SORL1: variants seen among roughly 807,000 people sequenced by gnomAD.
SORL1 encodes sortilin related receptor 1.
Under a neutral mutation model 273.7 loss-of-function variants are expected in SORL1, and 127 were observed. That is an observed-to-expected ratio of 0.46 (90% CI 0.40 to 0.54). The LOEUF is 0.54. SORL1 is among the 20% of genes least tolerant of loss of function. The probability of loss-of-function intolerance (pLI) is 0.00; values close to 1 mark genes in which losing one functional copy is unlikely to be tolerated. For missense variants in SORL1, 2,494 were observed against 2,846.1 expected, an observed-to-expected ratio of 0.88 and a Z score of 2.81; for synonymous variants, 1,031 against 1,067.4, an observed-to-expected ratio of 0.97 and a Z score of 0.66.
At chr11:121,548,129 C>T (rs889188139) in intron 14 of SORL1, among the ~76,000 whole-genome samples, 1 of 152,142 alleles carries the variant, frequency 6.6e-6, no homozygotes, top group Admixed American at 6.5e-5. Flanking sequence ...TAGATACATA[C>T]ACACATATAA....
intron 45 of SORL1, 121 bp from the exon 46 acceptor site, chr11:121,624,964 C>T (rs1424925286): frequency 1.5e-6 from 1 of 660,264 alleles, no homozygotes; most frequent in Admixed American, 2.8e-5. Flanking sequence ...AGGAGAAACC[C>T]AGGGCGCTTT....
intron 12 of SORL1, among the ~76,000 whole-genome samples, chr11:121,540,124 C>G (rs1256255771): frequency 6.6e-6 from 1 of 152,068 alleles, no homozygotes; most frequent in Non-Finnish European, 1.5e-5. Context: ...TTTTTCCCAT[C>G]TTGAATATGT....
chr11:121,529,699 G>A (rs1565325947), intron 11 of SORL1, among the ~76,000 whole-genome samples: 2 of 152,094 alleles, frequency 1.3e-5, no homozygotes, highest in Admixed American at 6.6e-5. Context: ...ACCATGCCCA[G>A]TTCTTTGAAG....
intron 38 of SORL1, chr11:121,610,532 A>G (rs147112299): frequency 6.5e-6 from 1 of 153,190 alleles, no homozygotes; most frequent in East Asian, 1.9e-4. Context: ...GCTCTGTGAA[A>G]TGCAGATAAC....
At chr11:121,574,878 G>T (rs982602050) in intron 24 of SORL1, among the ~76,000 whole-genome samples, 13 of 152,154 alleles carry the variant, frequency 8.5e-5, no homozygotes, top group African/African-American at 2.9e-4. Context: ...AGCTCTACAG[G>T]CTTGGCCCAC....
intron 40 of SORL1, 179 bp from the exon 41 acceptor site, chr11:121,614,692 C>T (rs1198059253): frequency 1.6e-5 from 9 of 576,758 alleles, no homozygotes; most frequent in African/African-American, 5.7e-5. Flanking sequence ...TGTTACGTAC[C>T]GTCATCATCA....
intron 12 of SORL1, among the ~76,000 whole-genome samples, chr11:121,539,582 TGATAAA>T (rs1159584330): frequency 6.6e-6 from 1 of 152,160 alleles, no homozygotes; most frequent in Non-Finnish European, 1.5e-5. Flanking sequence ...TTATTTTCCT[TGATAAA>T]GATAAAAGCA....
At chr11:121,545,035 T>C (rs1464820880) in intron 13 of SORL1, among the ~76,000 whole-genome samples, 3 of 152,224 alleles carry the variant, frequency 2.0e-5, no homozygotes, top group African/African-American at 7.2e-5. Context: ...TTTCCAACTT[T>C]TCCAGGCAGA....
At chr11:121,611,295 A>G in intron 39 of SORL1, 137 bp downstream of exon 39, 1 of 605,938 alleles carries the variant, frequency 1.7e-6, no homozygotes, top group Non-Finnish European at 2.9e-6. Flanking sequence ...TAGTGAAGCT[A>G]AAATACCAGG....
At chr11:121,609,883 T>C (rs1863535891) in intron 38 of SORL1, 1 of 152,206 alleles carries the variant, frequency 6.6e-6, no homozygotes, top group Non-Finnish European at 1.5e-5. Flanking sequence ...CTTATCCTCA[T>C]TGTGTAGCTG....
At chr11:121,517,340 T>C (rs1206515364) in intron 8 of SORL1, among the ~76,000 whole-genome samples, 1 of 152,232 alleles carries the variant, frequency 6.6e-6, no homozygotes, top group Non-Finnish European at 1.5e-5. Flanking sequence ...TACAATAATA[T>C]GTGACCTTCT....
Position 121,550,208 on chromosome 11 carries a change from T to C in SORL1, c.2180+120T>C. On this transcript the variant is annotated intron_variant, in intron 15 of 47. Transcript: ENST00000260197. The surrounding 1 kb of genome is among the most constrained non-coding windows in gnomAD (Gnocchi z 5.3). The stretch of plus-strand genomic sequence containing the variant: ...ATTCTAGAATTCCAAGTTAACAGCC[T>C]GCAAGTAGTTTGGGCAACATTATAA... The C allele has an allele frequency of 9.6e-7, 1 of 1,043,284 alleles. No homozygotes were observed. The highest frequency in any genetic ancestry group is 1.4e-6 in the Non-Finnish European group (1 of 736,916). 64.6% of individuals were successfully genotyped at this position (1,043,284 alleles called of 1,614,324 possible).
chr11:121,474,701 T>C (rs1392973739), intron 2 of SORL1, among the ~76,000 whole-genome samples: 6 of 152,232 alleles, frequency 3.9e-5, no homozygotes, highest in Non-Finnish European at 1.5e-5. Flanking sequence ...GAGCACAAGA[T>C]GAGTGAGTCC....
At chr11:121,574,158 T>A (rs1862889383) in intron 23 of SORL1, 83 bp from the exon 24 acceptor site, 5 of 1,364,704 alleles carry the variant, frequency 3.7e-6, no homozygotes, top group East Asian at 2.3e-5. Context: ...TTCTATTTTT[T>A]AATTGGTTTT....
At chr11:121,615,320 C>A (rs929267657) in intron 41 of SORL1, among the ~76,000 whole-genome samples, 3 of 152,162 alleles carry the variant, frequency 2.0e-5, no homozygotes, top group African/African-American at 7.2e-5. Context: ...CGTCCCAAGG[C>A]TCTTGGCACA....
At position 121,550,037 on chromosome 11, in the gene SORL1, A is replaced by G. The variant is rs750002244; in HGVS notation, c.2129A>G (p.Tyr710Cys). The G allele has an allele frequency of 6.2e-7, 1 of 1,613,350 alleles. No homozygotes were observed. Among genetic ancestry groups the G allele is most frequent in the Admixed American group, 1.7e-5 (1 of 59,936 alleles). The part of the protein sequence containing the change: ...VPDPEFSGKS[Y>C]SPPVPCPVGS... ...GATCCGGAATTTTCTGGAAAGTCATACTCCCCTCCTGTGCCTTGCCCTGTG... is the reference window on the plus strand; with the variant it reads ...GATCCGGAATTTTCTGGAAAGTCATGCTCCCCTCCTGTGCCTTGCCCTGTG... The change falls in exon 15 of 48, where the codon TAC (tyrosine) becomes TGC (cysteine). Residue 710 changes from tyrosine to cysteine, a missense_variant. Tyr to Cys is a radical substitution (Grantham distance 194). Around this residue, in one of 3 missense-constraint regions of SORL1, gnomAD observed 710 missense variants for 882.5 expected, o/e 0.80. Coordinates refer to ENST00000260197, the MANE Select transcript of SORL1 (RefSeq NM_003105.6). This position sits in a 1 kb window ranked among gnomAD's most constrained non-coding sequence, Gnocchi z 5.3.
At position 121,546,023 on chromosome 11, in the gene SORL1, G is replaced by T. The variant is rs551002898; in HGVS notation, c.2051+594G>T. 2.0e-5 allele frequency among the ~76,000 whole-genome samples: 3 copies of T among 152,364 alleles called. No homozygotes were observed. The South Asian group carries it at 6.2e-4, about 32-fold the overall frequency. On this transcript the variant is annotated intron_variant, in intron 14 of 47. Transcript: ENST00000260197. ...GGGCTGTGGATTGCTGTTGGAGAAT[G>T]AGGAGATTTTTGGAAGAAGTGCTGT...
Position 121,495,165 on chromosome 11 carries a change from C to T in SORL1, c.759-1704C>T, listed in dbSNP as rs185404472. ...GTGGCACAATCATGGCTCACCCAGC[C>T]TCAAACTTCCAGGCTTCAATCCACC... On this transcript the variant is annotated intron_variant, in intron 5 of 47. Coordinates refer to ENST00000260197, the MANE Select transcript of SORL1 (RefSeq NM_003105.6). 1.2e-4 allele frequency among the ~76,000 whole-genome samples: 19 copies of T among 152,342 alleles called. No individual in the cohort carries two copies. In the East Asian group the frequency reaches 3.3e-3, roughly 26 times the overall value.
rs1241508891 is a variant in SORL1, at chr11:121,452,336, C to G, written c.5C>G (p.Ala2Gly). The G allele has an allele frequency of 1.9e-6, 3 of 1,541,608 alleles. No individual in the cohort carries two copies. Among genetic ancestry groups the G allele is most frequent in the Non-Finnish European group, 1.7e-6 (2 of 1,148,806 alleles). The change falls in exon 1 of 48, where the codon GCG becomes GGG. Residue 2 changes from alanine (A) to glycine (G), a missense_variant. By Grantham distance (60) the Ala-to-Gly change is moderately conservative. This residue lies in a region of SORL1 where 175 missense variants were observed against 147.1 expected (regional missense o/e 1.19). Coordinates refer to ENST00000260197, the MANE Select transcript of SORL1 (RefSeq NM_003105.6). This position sits in a 1 kb window ranked among gnomAD's most constrained non-coding sequence, Gnocchi z 5.3. M[A>G]TRSSRRESRL... is the part of the protein sequence containing the mutation. ...TGCAGTAGCGTTCGCCCGAACATGG[C>G]GACACGGAGCAGCAGGAGGGAGTCG...
Sources: allele counts gnomAD v4.1 joint callset (sites outside exome capture counted in the v4.1 genomes callset), GRCh38; gene constraint gnomAD v4.1.1; regional missense constraint gnomAD v4.1.1; non-coding constraint Gnocchi (gnomAD v3.1); transcripts MANE v1.5; gene names NCBI Gene and HGNC (gene_info 2026-07-23, HGNC 2026-07-21).